Variants in MBOAT2 observed in about 807,000 individuals in gnomAD.
MBOAT2 encodes the protein membrane-bound glycerophospholipid O-acyltransferase 2.
MBOAT2 carries 28 observed loss-of-function variants against 63.4 expected under a neutral mutation model. That is an observed-to-expected ratio of 0.44 (90% CI 0.33 to 0.61). The LOEUF (loss-of-function observed/expected upper bound fraction) is 0.61. MBOAT2 is among the 20% of genes least tolerant of loss of function. The pLI, the probability that MBOAT2 is intolerant of heterozygous loss-of-function variation, is 0.03. For synonymous variants in MBOAT2, 211 were observed against 215.6 expected, an observed-to-expected ratio of 0.98 and a Z score of 0.19; for missense variants, 470 against 605.8, an observed-to-expected ratio of 0.78 and a Z score of 2.35.
chr2:8,894,006 G>C (rs1208578023), intron 4 of MBOAT2, among the ~76,000 whole-genome samples: 1 of 151,992 alleles, frequency 6.6e-6, no homozygotes, highest in Non-Finnish European at 1.5e-5. Context: ...GATCGTGCAG[G>C]TTTGTTACAT....
At chr2:8,960,536 C>T (rs1228858333) in intron 1 of MBOAT2, among the ~76,000 whole-genome samples, 1 of 151,460 alleles carries the variant, frequency 6.6e-6, no homozygotes, top group Non-Finnish European at 1.5e-5. Flanking sequence ...GTAAGCAGGG[C>T]GGGCAGCATT....
chr2:8,996,826 A>G (rs1162936830), intron 1 of MBOAT2, among the ~76,000 whole-genome samples: 1 of 152,212 alleles, frequency 6.6e-6, no homozygotes, highest in African/African-American at 2.4e-5. Context: ...TGTATCTCTT[A>G]GCAGAACCCT....
intron 6 of MBOAT2, among the ~76,000 whole-genome samples, chr2:8,881,046 GGGGAT>G (rs1039560414): frequency 3.3e-5 from 5 of 152,204 alleles, no homozygotes; most frequent in African/African-American, 1.2e-4. Flanking sequence ...TTCAGGTGGT[GGGGAT>G]GGCCCAACAG....
At chr2:8,887,956 C>G in intron 5 of MBOAT2, 62 bp downstream of exon 5, 2 of 1,477,044 alleles carry the variant, frequency 1.4e-6, no homozygotes. Flanking sequence ...GGCAATATCT[C>G]AAGCAAAAGA....
chr2:8,973,643 A>G (rs962027361), intron 1 of MBOAT2, among the ~76,000 whole-genome samples: 5 of 152,180 alleles, frequency 3.3e-5, no homozygotes, highest in Non-Finnish European at 5.9e-5. Flanking sequence ...TAATAAAAAC[A>G]GTATAATAGA....
intron 3 of MBOAT2, among the ~76,000 whole-genome samples, chr2:8,918,022 T>TAA (rs1666312950): frequency 6.6e-6 from 1 of 152,170 alleles, no homozygotes; most frequent in Non-Finnish European, 1.5e-5. Flanking sequence ...GCAGGCTAAA[T>TAA]TGATCTATGG....
intron 8 of MBOAT2, among the ~76,000 whole-genome samples, chr2:8,870,141 T>C (rs1367774823): frequency 6.6e-6 from 1 of 152,204 alleles, no homozygotes; most frequent in African/African-American, 2.4e-5. Flanking sequence ...TAACATCAAT[T>C]TAAACTTTAA....
intron 2 of MBOAT2, 42 bp downstream of exon 2, chr2:8,958,455 C>T: frequency 1.3e-6 from 2 of 1,519,534 alleles, no homozygotes; most frequent in Non-Finnish European, 1.8e-6. Context: ...TCAAATACAT[C>T]CAAATAGTCT....
chr2:8,911,490 G>C lies in MBOAT2; in HGVS notation c.300-2774C>G, dbSNP rs528858699. Reference sequence around the variant, plus strand: ...AATTCTTGCTATGGTTGGGATGTTCGTCTCCTCTAAAACTTCATGTAGAAA... The same window carrying C: ...AATTCTTGCTATGGTTGGGATGTTCCTCTCCTCTAAAACTTCATGTAGAAA... On this transcript the variant is annotated intron_variant, in intron 3 of 12. Transcript: ENST00000305997. Among the ~76,000 whole-genome samples the C allele has an allele frequency of 3.7e-4, 56 of 152,228 alleles. No individual in the cohort carries two copies. The East Asian group carries it at 9.4e-3, about 26-fold the overall frequency.
intron 2 of MBOAT2, among the ~76,000 whole-genome samples, chr2:8,943,803 T>G (rs1409340085): frequency 6.6e-6 from 1 of 152,246 alleles, no homozygotes; most frequent in Non-Finnish European, 1.5e-5. Context: ...CTTCCTTATA[T>G]AAATCAAATT....
intron 4 of MBOAT2, among the ~76,000 whole-genome samples, chr2:8,894,501 C>T (rs890976236): frequency 6.6e-6 from 1 of 152,120 alleles, no homozygotes; most frequent in Admixed American, 6.5e-5. Flanking sequence ...GCGCCATGTG[C>T]GGGGAAGATA....
At chr2:8,955,304 A>T (rs1426947326) in intron 2 of MBOAT2, among the ~76,000 whole-genome samples, 1 of 152,116 alleles carries the variant, frequency 6.6e-6, no homozygotes, top group African/African-American at 2.4e-5. Context: ...CCTCTCCCCA[A>T]GTTGGCTCCA....
chr2:9,001,593 A>G (rs1191377248), intron 1 of MBOAT2, among the ~76,000 whole-genome samples: 1 of 152,218 alleles, frequency 6.6e-6, no homozygotes, highest in Non-Finnish European at 1.5e-5. Context: ...ACAAATTTAG[A>G]GTAGTCCCAA....
At chr2:9,001,545 C>T (rs1035544508) in intron 1 of MBOAT2, among the ~76,000 whole-genome samples, 2 of 152,154 alleles carry the variant, frequency 1.3e-5, no homozygotes, top group African/African-American at 2.4e-5. Context: ...ATGCAGTGCA[C>T]GACTGTGCTA....
At chr2:8,970,862 A>T (rs1670395436) in intron 1 of MBOAT2, among the ~76,000 whole-genome samples, 1 of 152,246 alleles carries the variant, frequency 6.6e-6, no homozygotes, top group Non-Finnish European at 1.5e-5. Context: ...ACAGGTTCTG[A>T]AATTGGGGCA....
intron 8 of MBOAT2, among the ~76,000 whole-genome samples, chr2:8,872,823 C>T (rs1040944571): frequency 1.3e-5 from 2 of 152,160 alleles, no homozygotes; most frequent in Admixed American, 6.5e-5. Flanking sequence ...TATACATACT[C>T]GTATCTATCC....
Position 8,864,235 on chromosome 2 carries a change from C to A in MBOAT2, c.988-1G>T. On this transcript the variant is annotated splice_acceptor_variant, in intron 9 of 12. Coordinates refer to ENST00000305997, the MANE Select transcript of MBOAT2 (RefSeq NM_138799.4). LOFTEE classifies it high-confidence loss of function. ...GAAACATCTTGAAACTTGTTGACATCTGAAAAAAAAGGAAACTTTTTTCTT... is the reference window on the plus strand; with the variant it reads ...GAAACATCTTGAAACTTGTTGACATATGAAAAAAAAGGAAACTTTTTTCTT... The A allele has an allele frequency of 6.5e-7, 1 of 1,549,530 alleles. No homozygotes were observed. Among genetic ancestry groups the A allele is most frequent in the Non-Finnish European group, 8.7e-7 (1 of 1,153,726 alleles).
intron 1 of MBOAT2, among the ~76,000 whole-genome samples, chr2:8,976,671 A>G (rs755375169): frequency 3.3e-5 from 5 of 152,092 alleles, no homozygotes; most frequent in Non-Finnish European, 7.4e-5. Flanking sequence ...CCTTCCATAA[A>G]GCGCGTTCAG....
In MBOAT2 at chr2:8,939,760, T is replaced by C. The variant is rs2103227992; in HGVS notation, c.299+3427A>G. 2.6e-5 allele frequency among the ~76,000 whole-genome samples: 4 copies of C among 152,222 alleles called. 1 individual carries two copies. In the Middle Eastern group the frequency reaches 0.014, roughly 518 times the overall value. Reference sequence around the variant, plus strand: ...TCTTCAAGCACATACACACACAGAATAAACTCTGCAAACGGTTCTAAAACA... The same window carrying C: ...TCTTCAAGCACATACACACACAGAACAAACTCTGCAAACGGTTCTAAAACA... On this transcript the variant is annotated intron_variant, in intron 3 of 12. Coordinates refer to ENST00000305997, the MANE Select transcript of MBOAT2 (RefSeq NM_138799.4).
Sources: allele counts gnomAD v4.1 joint callset (sites outside exome capture counted in the v4.1 genomes callset), GRCh38; gene constraint gnomAD v4.1.1; transcripts MANE v1.5; gene names NCBI Gene and HGNC (gene_info 2026-07-23, HGNC 2026-07-21).